ACTR3C: variants seen among roughly 807,000 people sequenced by gnomAD.
ACTR3C encodes the protein actin-related protein 3C.
In ACTR3C, 18 loss-of-function variants were observed where a neutral mutation model predicts 26.3. The ratio of observed to expected loss-of-function variants is 0.68; its 90% CI spans 0.47 to 1.01. The LOEUF is 1.01. ACTR3C is among the 50% of genes least tolerant of loss of function. ACTR3C has a pLI of 0.00. For synonymous variants in ACTR3C, 55 were observed against 94.5 expected, an observed-to-expected ratio of 0.58 and a Z score of 2.42; for missense variants, 184 against 250.7, an observed-to-expected ratio of 0.73 and a Z score of 1.80.
the ACTR3C span, among the ~76,000 whole-genome samples, chr7:150,113,639 GAATA>G: frequency 2.0e-5 from 3 of 152,202 alleles, no homozygotes; most frequent in Non-Finnish European, 4.4e-5. Flanking sequence ...GTTTAATCAT[GAATA>G]AATTAGCAAG....
At chr7:150,230,516 T>G in the ACTR3C span, among the ~76,000 whole-genome samples, 1 of 152,070 alleles carries the variant, frequency 6.6e-6, no homozygotes, top group Non-Finnish European at 1.5e-5. Flanking sequence ...CATTACCGCC[T>G]GAGCTCCCCC....
chr7:149,888,175 T>C, the ACTR3C span, among the ~76,000 whole-genome samples: 1 of 152,242 alleles, frequency 6.6e-6, no homozygotes, highest in African/African-American at 2.4e-5. Flanking sequence ...TACTGTTACA[T>C]ACAGATCTAG....
chr7:149,962,109 C>T, the ACTR3C span, among the ~76,000 whole-genome samples: 2 of 152,016 alleles, frequency 1.3e-5, no homozygotes, highest in Non-Finnish European at 2.9e-5. Context: ...TGTAAGCTCA[C>T]AGGAAGTGTA....
the ACTR3C span, chr7:150,044,823 C>T: frequency 6.6e-6 from 1 of 152,228 alleles, no homozygotes; most frequent in Admixed American, 6.5e-5. Flanking sequence ...GTGACCAAGG[C>T]AGCGAAGCTG....
the ACTR3C span, among the ~76,000 whole-genome samples, chr7:149,897,703 TTAAAA>T: frequency 6.6e-6 from 1 of 152,138 alleles, no homozygotes; most frequent in Admixed American, 6.5e-5. Context: ...CCATCTGTTC[TTAAAA>T]TAAAATAAAA....
At chr7:150,037,707 G>T in the ACTR3C span, among the ~76,000 whole-genome samples, 1 of 105,386 alleles carries the variant, frequency 9.5e-6, no homozygotes, top group Non-Finnish European at 2.0e-5. Flanking sequence ...ATCAATGATG[G>T]GGGGTCCTAA....
chr7:150,099,542 G>A, the ACTR3C span, among the ~76,000 whole-genome samples: 1 of 151,540 alleles, frequency 6.6e-6, no homozygotes, highest in South Asian at 2.1e-4. Context: ...TGGGACATCC[G>A]ACCCTAGGCT....
the ACTR3C span, among the ~76,000 whole-genome samples, chr7:149,916,525 CT>C: frequency 6.7e-6 from 1 of 148,666 alleles, no homozygotes; most frequent in Admixed American, 6.8e-5. Context: ...GAAAGTCCCT[CT>C]ATATGCTAAA....
intron 1 of ACTR3C, among the ~76,000 whole-genome samples, chr7:150,316,828 T>C (rs780010073): frequency 1.3e-5 from 2 of 152,132 alleles, no homozygotes; most frequent in Non-Finnish European, 2.9e-5. Context: ...TTTCCTGGGA[T>C]TACGTTAAAC....
At chr7:149,886,166 C>T in the ACTR3C span, among the ~76,000 whole-genome samples, 1 of 152,214 alleles carries the variant, frequency 6.6e-6, no homozygotes, top group African/African-American at 2.4e-5. Context: ...GCCAGGATCT[C>T]AGCTTCCTTC....
the ACTR3C span, among the ~76,000 whole-genome samples, chr7:150,115,191 A>G: frequency 6.6e-6 from 1 of 152,220 alleles, no homozygotes; most frequent in Admixed American, 6.5e-5. Context: ...ATGCCTGTCA[A>G]TATAATCTAC....
chr7:150,239,704 T>C (rs1391782892), downstream of ACTR3C, among the ~76,000 whole-genome samples: 1 of 149,986 alleles, frequency 6.7e-6, no homozygotes, highest in Non-Finnish European at 1.5e-5. Context: ...AATTACATTC[T>C]ACAGCTTCAT....
the ACTR3C span, among the ~76,000 whole-genome samples, chr7:149,989,752 T>C: frequency 1.3e-5 from 2 of 152,202 alleles, no homozygotes; most frequent in Admixed American, 1.3e-4. Context: ...GGAGTGCAGA[T>C]GTCTCTTTGA....
intron 1 of ACTR3C, among the ~76,000 whole-genome samples, chr7:150,308,575 T>G (rs1220214249): frequency 2.0e-5 from 3 of 152,094 alleles, no homozygotes; most frequent in Admixed American, 2.0e-4. Context: ...CCTGTCCGCT[T>G]CTTCAGTCTC....
chr7:150,194,992 G>T, the ACTR3C span, among the ~76,000 whole-genome samples: 6 of 151,928 alleles, frequency 3.9e-5, no homozygotes, highest in Admixed American at 3.3e-4. Flanking sequence ...TACTCAGGAG[G>T]CTGAGGCAGG....
the ACTR3C span, among the ~76,000 whole-genome samples, chr7:149,933,270 C>T: frequency 1.4e-3 from 205 of 151,654 alleles, no homozygotes; most frequent in Non-Finnish European, 2.3e-3. Flanking sequence ...CCCCACCATC[C>T]CCATAGGAAA....
the ACTR3C span, among the ~76,000 whole-genome samples, chr7:150,158,742 G>A: frequency 6.6e-6 from 1 of 152,172 alleles, no homozygotes; most frequent in Non-Finnish European, 1.5e-5. Context: ...ACACTGTATT[G>A]TGTACTTGGA....
At chr7:150,116,408 T>A in the ACTR3C span, among the ~76,000 whole-genome samples, 1 of 152,204 alleles carries the variant, frequency 6.6e-6, no homozygotes, top group South Asian at 2.1e-4. Context: ...ATGCCTTCCT[T>A]TTGGGGGTTG....
At chr7:149,900,160 G>GTTGTTT in the ACTR3C span, among the ~76,000 whole-genome samples, 16 of 151,104 alleles carry the variant, frequency 1.1e-4, no homozygotes, top group East Asian at 3.1e-3. Context: ...TTTTGTTGTT[G>GTTGTTT]TTGTTTTTGT....
Sources: allele counts gnomAD v4.1 joint callset (sites outside exome capture counted in the v4.1 genomes callset), GRCh38; gene constraint gnomAD v4.1.1; transcripts MANE v1.5; gene names NCBI Gene and HGNC (gene_info 2026-07-23, HGNC 2026-07-21).